AXDND1: variants seen among roughly 807,000 people sequenced by gnomAD.
AXDND1 encodes axonemal dynein light chain domain-containing protein 1.
AXDND1 carries 110 observed loss-of-function variants against 137.5 expected under a neutral mutation model. The ratio of observed to expected loss-of-function variants is 0.80; its 90% CI spans 0.69 to 0.94. The LOEUF (loss-of-function observed/expected upper bound fraction) is 0.94. Among genes scored for constraint, AXDND1 ranks in the 40% least tolerant of loss-of-function variants. AXDND1 has a pLI of 0.00. For synonymous variants in AXDND1, 414 were observed against 399.7 expected (o/e 1.04, Z -0.43); for missense variants, 1,191 against 1,169.8 (o/e 1.02, Z -0.26).
chr1:179,385,125 ATAAAT>A, intron 8 of AXDND1, 108 bp from the exon 9 acceptor site: 1 of 893,914 alleles, frequency 1.1e-6, no homozygotes, highest in Non-Finnish European at 1.7e-6. Context: ...TGTAAGTGAA[ATAAAT>A]TAATCAACGT....
chr1:179,453,714 C>A (rs1276691753), intron 16 of AXDND1: 1 of 149,582 alleles, frequency 6.7e-6, no homozygotes, highest in East Asian at 2.0e-4. Flanking sequence ...GCAGGAGAGT[C>A]ACTTGAACCT....
intron 22 of AXDND1, among the ~76,000 whole-genome samples, chr1:179,527,732 T>C (rs903654498): frequency 6.6e-6 from 1 of 152,204 alleles, no homozygotes; most frequent in African/African-American, 2.4e-5. Flanking sequence ...TTTACTTTAC[T>C]ATACTCTGAG....
chr1:179,473,101 G>A (rs905997088), intron 17 of AXDND1, among the ~76,000 whole-genome samples: 1 of 150,848 alleles, frequency 6.6e-6, no homozygotes, highest in East Asian at 1.9e-4. Context: ...TGTTTTTTTT[G>A]TATTGAATGA....
rs183083620 is a variant in AXDND1, at chr1:179,477,115, A to G, written c.1998-6013A>G. On this transcript the variant is annotated intron_variant, in intron 17 of 25. Transcript: ENST00000367618. ...TTCTCTCTTCTGCCAGTTCAAATTTACTGTTGAGCCCTAGTAGTGATTTTA... is the reference window on the plus strand; with the variant it reads ...TTCTCTCTTCTGCCAGTTCAAATTTGCTGTTGAGCCCTAGTAGTGATTTTA... Among the ~76,000 whole-genome samples the G allele has an allele frequency of 2.5e-3, 373 of 151,932 alleles. 3 individuals carry two copies. The highest frequency in any genetic ancestry group is 6.8e-3 in the Middle Eastern group (2 of 294).
At chr1:179,470,827 A>G (rs190593568) in intron 17 of AXDND1, among the ~76,000 whole-genome samples, 9 of 152,198 alleles carry the variant, frequency 5.9e-5, no homozygotes, top group Non-Finnish European at 1.0e-4. Context: ...TGTTGTTCCT[A>G]TTCTTATGGG....
At chr1:179,489,711 T>C (rs16854153) in intron 18 of AXDND1, among the ~76,000 whole-genome samples, 2,548 of 151,678 alleles carry the variant, frequency 0.017, 78 homozygotes, top group African/African-American at 0.058. Context: ...GCAGGAAGTT[T>C]GGGTTTTTAT....
At chr1:179,542,537 T>C (rs1358167536) in intron 25 of AXDND1, among the ~76,000 whole-genome samples, 1 of 152,222 alleles carries the variant, frequency 6.6e-6, no homozygotes, top group Admixed American at 6.5e-5. Context: ...AGAGTTTTCA[T>C]GAATTTTTAA....
intron 11 of AXDND1, among the ~76,000 whole-genome samples, chr1:179,396,883 T>A (rs1393288871): frequency 6.6e-6 from 1 of 152,208 alleles, no homozygotes; most frequent in Non-Finnish European, 1.5e-5. Context: ...TGTCATTGCA[T>A]GTGAGATGAG....
rs760434062 is a variant in AXDND1, at chr1:179,366,617, T to A, written c.97+11T>A. 10 of 1,593,196 alleles carry A rather than the reference T, an allele frequency of 6.3e-6. No homozygotes were observed. The highest frequency in any genetic ancestry group is 8.6e-6 in the Non-Finnish European group (10 of 1,161,202). The stretch of plus-strand genomic sequence containing the variant: ...AGGAAGGGACAAGAGGTAAACTTCG[T>A]TGATTCTGAAGTCATAAACAGTCAT... On this transcript the variant is annotated intron_variant, in intron 2 of 25. Transcript: ENST00000367618.
intron 16 of AXDND1, among the ~76,000 whole-genome samples, chr1:179,462,075 A>G (rs1662407129): frequency 6.6e-6 from 1 of 152,148 alleles, no homozygotes; most frequent in African/African-American, 2.4e-5. Context: ...ATAATTTCCA[A>G]CATTATGTTG....
intron 16 of AXDND1, among the ~76,000 whole-genome samples, chr1:179,465,516 G>A (rs142410660): frequency 0.063 from 9,569 of 152,306 alleles, 356 homozygotes; most frequent in African/African-American, 0.071. Flanking sequence ...GCCGTATGAG[G>A]TGTCAGTTGG....
chr1:179,399,424 A>G (rs985601055), intron 11 of AXDND1, among the ~76,000 whole-genome samples: 2 of 152,230 alleles, frequency 1.3e-5, no homozygotes, highest in African/African-American at 4.8e-5. Flanking sequence ...TACAAAAATC[A>G]ACTCAAGATG....
chr1:179,454,579 G>A (rs79435368), intron 16 of AXDND1: 6,848 of 152,334 alleles, frequency 0.045, 531 homozygotes, highest in African/African-American at 0.15. Context: ...CTACACAATT[G>A]TGTGTGTGAG....
intron 17 of AXDND1, among the ~76,000 whole-genome samples, chr1:179,475,230 C>G (rs1664464552): frequency 6.6e-6 from 1 of 152,248 alleles, no homozygotes; most frequent in South Asian, 2.1e-4. Flanking sequence ...AGAGTCCCTA[C>G]TGGAGCACTG....
intron 13 of AXDND1, 49 bp from the exon 14 acceptor site, chr1:179,430,403 G>C (rs1365629455): frequency 7.3e-7 from 1 of 1,361,682 alleles, no homozygotes; most frequent in African/African-American, 1.5e-5. Flanking sequence ...ATGACTATTT[G>C]TTATATACAT....
chr1:179,393,848 A>C, intron 9 of AXDND1, 55 bp from the exon 10 acceptor site: 1 of 1,479,998 alleles, frequency 6.8e-7, no homozygotes, highest in Non-Finnish European at 9.0e-7. Context: ...GTAACCTGAG[A>C]ATTTACTAAA....
At chr1:179,366,127 GTA>G (rs1491556471) in intron 1 of AXDND1, 127 bp downstream of exon 1, 91,069 of 159,692 alleles carry the variant, frequency 0.57, 26,132 homozygotes, top group African/African-American at 0.65. Flanking sequence ...TGTGGGGAAG[GTA>G]TGGTCCCCAG....
rs139085814 is a variant in AXDND1 at position 179,500,946 on chromosome 1, A to G, written c.2388+7995A>G. ...CTCAGCCTCCCAAAGTACTGGGATTACAGGTGTGAGCCACCATGCCTGGCT... is the reference window on the plus strand; with the variant it reads ...CTCAGCCTCCCAAAGTACTGGGATTGCAGGTGTGAGCCACCATGCCTGGCT... On this transcript the variant is annotated intron_variant, in intron 20 of 25. Coordinates refer to ENST00000367618, the MANE Select transcript of AXDND1 (RefSeq NM_144696.6). 4.0e-3 allele frequency among the ~76,000 whole-genome samples: 602 copies of G among 152,328 alleles called. 4 individuals carry two copies. Among genetic ancestry groups the G allele is most frequent in the African/African-American group, 0.014 (573 of 41,574 alleles).
Position 179,551,464 on chromosome 1 carries a change from T to C in AXDND1, c.3032-3048T>C, listed in dbSNP as rs377374469. 63 of 1,612,492 alleles carry C rather than the reference T, an allele frequency of 3.9e-5. No individual in the cohort carries two copies. The highest frequency in any genetic ancestry group is 3.4e-5 in the Non-Finnish European group (40 of 1,180,020). ...CTGCAGCAATCATCTAGAAAACATG[T>C]GACGAAAGCAAAGTGATTGTTCTTC... On this transcript the variant is annotated intron_variant, in intron 25 of 25. Transcript: ENST00000367618.
Sources: gnomAD v4.1 joint callset for allele counts (sites outside exome capture counted in the v4.1 genomes callset) on GRCh38, gnomAD v4.1.1 for gene constraint, MANE v1.5 for transcripts, NCBI Gene and HGNC (gene_info 2026-07-23, HGNC 2026-07-21) for gene names.